The following PCDHA11 variants were observed in gnomAD, a reference collection of about 807,000 sequenced individuals.
The protein encoded by PCDHA11 is protocadherin alpha-11.
A neutral mutation model predicts 70.3 loss-of-function variants in PCDHA11; 61 were observed. That is an observed-to-expected ratio of 0.87 (90% confidence interval 0.71 to 1.07). The LOEUF (loss-of-function observed/expected upper bound fraction) is 1.07. Among genes scored for constraint, PCDHA11 ranks in the 50% least tolerant of loss-of-function variants. The pLI is 0.00. For missense variants in PCDHA11, 1,324 were observed against 1,237.5 expected (o/e 1.07, Z -1.05); for synonymous variants, 633 against 555.1 (o/e 1.14, Z -1.97).
At chr5:140,914,248 G>T (rs1228200797) in intron 1 of PCDHA11, among the ~76,000 whole-genome samples, 1 of 151,850 alleles carries the variant, frequency 6.6e-6, no homozygotes, top group Non-Finnish European at 1.5e-5. Flanking sequence ...TTTATATCTG[G>T]GTGCTTCAAT....
At chr5:140,966,794 G>T in intron 1 of PCDHA11, 1 of 1,533,558 alleles carries the variant, frequency 6.5e-7, no homozygotes. Context: ...CAGACCTGCG[G>T]CGACAGAGCA....
intron 1 of PCDHA11, chr5:140,876,671 C>T (rs782473628): frequency 3.1e-6 from 5 of 1,614,212 alleles, no homozygotes; most frequent in Non-Finnish European, 2.5e-6. Flanking sequence ...CTGGTGTCCA[C>T]CTACAAGAAT....
intron 1 of PCDHA11, among the ~76,000 whole-genome samples, chr5:140,916,135 T>TG (rs1178819787): frequency 6.6e-6 from 1 of 152,126 alleles, no homozygotes; most frequent in Non-Finnish European, 1.5e-5. Flanking sequence ...GCTTAAGGGC[T>TG]GTTCAGTTGT....
chr5:140,875,352 T>C lies in PCDHA11; in HGVS notation c.2391+3858T>C, dbSNP rs563345056. ...AATAGGATCGACTCCATAATGACTGTGATGCTGGAAAAAATTTACTAAATA... is the reference window on the plus strand; with the variant it reads ...AATAGGATCGACTCCATAATGACTGCGATGCTGGAAAAAATTTACTAAATA... On this transcript the variant is annotated intron_variant, in intron 1 of 3. Transcript: ENST00000398640. 15 of 1,445,236 alleles carry C rather than the reference T, an allele frequency of 1.0e-5. No individual in the cohort carries two copies. In the African/African-American group the frequency reaches 1.9e-4, roughly 18 times the overall value. The allele number at this position is 1,445,236 out of a possible 1,614,324, so 89.5% of individuals were successfully genotyped here.
intron 3 of PCDHA11, among the ~76,000 whole-genome samples, chr5:140,985,770 C>T (rs1456292041): frequency 1.5e-5 from 2 of 132,222 alleles, no homozygotes; most frequent in African/African-American, 2.8e-5. Flanking sequence ...GAGACAGTCT[C>T]GCTCTGTCGC....
At chr5:140,877,270 G>C in intron 1 of PCDHA11, 2 of 1,613,864 alleles carry the variant, frequency 1.2e-6, no homozygotes, top group Non-Finnish European at 1.7e-6. Context: ...GGTGGACGCT[G>C]ACTCCGGCTA....
chr5:140,952,582 G>A (rs552541968), intron 1 of PCDHA11, among the ~76,000 whole-genome samples: 4 of 152,220 alleles, frequency 2.6e-5, no homozygotes, highest in East Asian at 3.9e-4. Context: ...AATCATTCAA[G>A]TAGTCTCTAG....
rs2050775096 is a variant in PCDHA11, at chr5:140,868,974, C to T, written c.-130C>T. The T allele has an allele frequency of 2.7e-6, 4 of 1,471,768 alleles. No individual in the cohort carries two copies. Among genetic ancestry groups the T allele is most frequent in the South Asian group, 1.4e-5 (1 of 71,178 alleles). 91.2% of individuals were successfully genotyped at this position (1,471,768 alleles called of 1,614,324 possible). ...GCACTCCCATACAAAGGAACTCCATCATACCGGATGCCACCGTTTAAGGAT... is the reference window on the plus strand; with the variant it reads ...GCACTCCCATACAAAGGAACTCCATTATACCGGATGCCACCGTTTAAGGAT... On this transcript the variant is annotated 5_prime_UTR_variant, in exon 1 of 4. Transcript: ENST00000398640.
chr5:140,928,605 C>T, intron 1 of PCDHA11: 1 of 1,614,208 alleles, frequency 6.2e-7, no homozygotes, highest in South Asian at 1.1e-5. Flanking sequence ...AAATTGTGCC[C>T]CGCTCTGCCA....
rs782467193 is a variant in PCDHA11, at chr5:140,884,498, G to A, written c.2391+13004G>A. 8.1e-6 allele frequency: 13 copies of A among 1,613,958 alleles called. No homozygotes were observed. The Admixed American group carries it at 8.3e-5, about 10-fold the overall frequency. On this transcript the variant is annotated intron_variant, in intron 1 of 3. Transcript: ENST00000398640. ...CAAGCCCACTCTAGTGTGCTCCAGC[G>A]CGGCAGGGAGTTGGTCGTACTCGCA...
Position 140,982,566 on chromosome 5 carries a change from A to G in PCDHA11, c.2539+3A>G, listed in dbSNP as rs372784858. On this transcript the variant is annotated splice_donor_region_variant and intron_variant, in intron 3 of 3. Transcript: ENST00000398640. ...AACAGTATCCAGTGCAACACCAGGT[A>G]AAGAGCTGGGGTCTCTCCATTCTTT... 8 of 1,613,970 alleles carry G rather than the reference A, an allele frequency of 5.0e-6. No individual in the cohort carries two copies. The highest frequency in any genetic ancestry group is 6.8e-6 in the Non-Finnish European group (8 of 1,179,958).
chr5:140,961,938 C>T (rs1443851298), intron 1 of PCDHA11, among the ~76,000 whole-genome samples: 3 of 151,024 alleles, frequency 2.0e-5, no homozygotes, highest in African/African-American at 7.3e-5. Flanking sequence ...GGCTGGAGTG[C>T]AGTGGCATGA....
At chr5:140,872,614 T>G (rs1001550468) in intron 1 of PCDHA11, among the ~76,000 whole-genome samples, 1 of 152,320 alleles carries the variant, frequency 6.6e-6, no homozygotes, top group Admixed American at 6.5e-5. Flanking sequence ...TAATTTTTTT[T>G]GCCTGTTCTT....
At chr5:140,959,935 T>C (rs2095518080) in intron 1 of PCDHA11, among the ~76,000 whole-genome samples, 2 of 152,178 alleles carry the variant, frequency 1.3e-5, no homozygotes, top group African/African-American at 4.8e-5. Context: ...CCCCATTACT[T>C]AGGCAGAATA....
At chr5:140,875,561 A>G in intron 1 of PCDHA11, 1 of 1,614,128 alleles carries the variant, frequency 6.2e-7, no homozygotes, top group Non-Finnish European at 8.5e-7. Flanking sequence ...GGGAGCGGCC[A>G]GCTCCACTAC....
intron 1 of PCDHA11, chr5:140,877,777 C>T: frequency 6.2e-7 from 1 of 1,614,172 alleles, no homozygotes; most frequent in South Asian, 1.1e-5. Context: ...CAAGACGGAC[C>T]TCATGGCCTT....
In PCDHA11 at chr5:140,951,072, T is replaced by G. The variant is rs551891980; in HGVS notation, c.2392-27877T>G. Among the ~76,000 whole-genome samples the G allele has an allele frequency of 1.1e-4, 16 of 152,184 alleles. No individual in the cohort carries two copies. The South Asian group carries it at 3.1e-3, about 30-fold the overall frequency. ...ATTGCTAAAATTTCCATTGGCTTTCTTATATTTTCCTTTTTTTCTGATAAG... is the reference window on the plus strand; with the variant it reads ...ATTGCTAAAATTTCCATTGGCTTTCGTATATTTTCCTTTTTTTCTGATAAG... On this transcript the variant is annotated intron_variant, in intron 1 of 3. Transcript: ENST00000398640.
chr5:140,877,663 C>T (rs1554169960), intron 1 of PCDHA11: 22 of 1,613,432 alleles, frequency 1.4e-5, no homozygotes, highest in Admixed American at 1.7e-5. Context: ...CACCGTGAGC[C>T]GGTGCGCGCC....
At chr5:140,967,690 C>T (rs782694266) in intron 1 of PCDHA11, 1 of 1,614,190 alleles carries the variant, frequency 6.2e-7, no homozygotes, top group Admixed American at 1.7e-5. Flanking sequence ...GGCAGCTCTT[C>T]AGCATAGATG....
Sources: gnomAD v4.1 joint callset for allele counts (sites outside exome capture counted in the v4.1 genomes callset) on GRCh38, gnomAD v4.1.1 for gene constraint, MANE v1.5 for transcripts, NCBI Gene and HGNC (gene_info 2026-07-23, HGNC 2026-07-21) for gene names.